SEC31B: variants seen among roughly 807,000 people sequenced by gnomAD.
SEC31B encodes SEC31 homolog B, COPII component.
Under a neutral mutation model 135.0 loss-of-function variants are expected in SEC31B, and 113 were observed. The ratio of observed to expected loss-of-function variants is 0.84; its 90% CI spans 0.72 to 0.98. The LOEUF is 0.98. Ranked by LOEUF, SEC31B falls within the 50% of genes least tolerant of loss-of-function variation. The probability of loss-of-function intolerance (pLI) is 0.00; values close to 1 mark genes in which losing one functional copy is unlikely to be tolerated. For synonymous variants in SEC31B, 508 were observed against 549.4 expected (o/e 0.92, Z 1.05); for missense variants, 1,296 against 1,421.1 (o/e 0.91, Z 1.42).
At chr10:100,491,506 A>G (rs1851299407) in intron 19 of SEC31B, among the ~76,000 whole-genome samples, 1 of 152,366 alleles carries the variant, frequency 6.6e-6, no homozygotes, top group South Asian at 2.1e-4. Flanking sequence ...ACAAAATTTT[A>G]GCAAATCAAA....
chr10:100,518,986 T>C (rs1313346166), intron 1 of SEC31B, among the ~76,000 whole-genome samples: 3 of 152,172 alleles, frequency 2.0e-5, no homozygotes, highest in African/African-American at 7.2e-5. Flanking sequence ...ACAACAAAAA[T>C]AGGAGCTGCG....
intron 8 of SEC31B, 53 bp from the exon 9 acceptor site, chr10:100,506,254 G>A: frequency 6.2e-7 from 1 of 1,614,000 alleles, no homozygotes; most frequent in Non-Finnish European, 8.5e-7. Context: ...CAAAACACAT[G>A]GCTGCAGCTG....
At chr10:100,516,023 A>G (rs3750630) in intron 3 of SEC31B, 73 bp downstream of exon 3, 342,417 of 1,557,008 alleles carry the variant, frequency 0.22, 38,554 homozygotes, top group African/African-American at 0.27. Context: ...CATGAGCCCT[A>G]AGAAACACAC....
intron 23 of SEC31B, 69 bp downstream of exon 23, chr10:100,489,183 C>A: frequency 6.6e-7 from 1 of 1,509,704 alleles, no homozygotes; most frequent in South Asian, 1.4e-5. Flanking sequence ...TGAGGCCCAT[C>A]TACCATGACC....
chr10:100,516,902 G>T lies in SEC31B; in HGVS notation c.51C>A (p.Ala17=). Residue 17 remains alanine, a synonymous_variant, in exon 2 of 26, where the codon GCC becomes GCA. Coordinates refer to ENST00000370345, the MANE Select transcript of SEC31B (RefSeq NM_015490.4). Reference sequence around the variant, plus strand: ...TGGCCAGATACAAAGGGTATTGGCTGGCTGGGCTCCATGCCTGGACAGCTG... The same window carrying T: ...TGGCCAGATACAAAGGGTATTGGCTTGCTGGGCTCCATGCCTGGACAGCTG... The part of the protein sequence containing the change: ...ERPAVQAWSP[A]SQYPLYLATG... 1.2e-6 allele frequency: 2 copies of T among 1,614,082 alleles called. No individual in the cohort carries two copies. The highest frequency in any genetic ancestry group is 1.7e-6 in the Non-Finnish European group (2 of 1,179,986).
intron 11 of SEC31B, chr10:100,501,788 C>T (rs777231853): frequency 1.8e-5 from 3 of 170,206 alleles, no homozygotes; most frequent in Non-Finnish European, 3.8e-5. Flanking sequence ...GCACCTGAAC[C>T]CTAGGACCCA....
rs1851263903 is a variant in SEC31B, at chr10:100,489,749, G to C, written c.2978C>G (p.Ser993Cys). The C allele has an allele frequency of 6.2e-7, 1 of 1,613,924 alleles. No homozygotes were observed. The highest frequency in any genetic ancestry group is 1.3e-5 in the African/African-American group (1 of 74,886). The change falls in exon 22 of 26, where the codon TCC becomes TGC. Residue 993 changes from serine (S) to cysteine (C), a missense_variant. Transcript: ENST00000370345. ...ILTPHPGPQDSWKEAPAPRGN... is the reference protein window; with the variant it reads ...ILTPHPGPQDCWKEAPAPRGN... ...CCTGGGGGCTGGGGCTTCTTTCCAG[G>C]AATCTTGAGGTCCTATAGAATAAAA...
chr10:100,495,200 G>T, intron 19 of SEC31B, 185 bp downstream of exon 19: 1 of 621,288 alleles, frequency 1.6e-6, no homozygotes, highest in African/African-American at 1.9e-5. Context: ...CACAATTTTT[G>T]CACCTTTATG....
chr10:100,493,761 T>G (rs1346870208), intron 19 of SEC31B, among the ~76,000 whole-genome samples: 12 of 152,102 alleles, frequency 7.9e-5, no homozygotes, highest in Admixed American at 7.9e-4. Flanking sequence ...GTAAAACTGG[T>G]GGAGACTGAA....
chr10:100,487,605 G>A lies in SEC31B; in HGVS notation c.*11C>T, dbSNP rs773109385. The A allele has an allele frequency of 2.5e-6, 4 of 1,608,628 alleles. No individual in the cohort carries two copies. The East Asian group carries it at 8.9e-5, about 36-fold the overall frequency. ...GCAGAAGTGGCCTCCTAGCAAGAGA[G>A]GCTGCCTGGTTTAGACCAGCAGCTT... On this transcript the variant is annotated 3_prime_UTR_variant, in exon 26 of 26. Coordinates refer to ENST00000370345, the MANE Select transcript of SEC31B (RefSeq NM_015490.4).
rs190290125 is a variant in SEC31B, at chr10:100,508,614, C to G, written c.495+393G>C. 3.4e-4 allele frequency: 145 copies of G among 424,978 alleles called. 2 individuals carry two copies. In the Admixed American group the frequency reaches 4.2e-3, roughly 12 times the overall value. 26.3% of individuals were successfully genotyped at this position (424,978 alleles called of 1,614,324 possible). A position where few individuals can be genotyped will look rare whatever the true frequency, so the allele number is the denominator to read the frequency against. On this transcript the variant is annotated intron_variant, in intron 5 of 25. Coordinates refer to ENST00000370345, the MANE Select transcript of SEC31B (RefSeq NM_015490.4). The stretch of plus-strand genomic sequence containing the variant: ...ACAGGGAGAACAAAGCTGACCCCCC[C>G]CTCCATAAAAAGGACAATGGTATGT...
chr10:100,488,382 C>A (rs1215302289), intron 24 of SEC31B, among the ~76,000 whole-genome samples: 1 of 151,258 alleles, frequency 6.6e-6, no homozygotes, highest in Non-Finnish European at 1.5e-5. Context: ...TGGCTTGAAC[C>A]CGGGAGGCAG....
chr10:100,519,309 G>A (rs543057570), intron 1 of SEC31B, among the ~76,000 whole-genome samples: 34 of 152,380 alleles, frequency 2.2e-4, no homozygotes, highest in Middle Eastern at 6.8e-3. Flanking sequence ...AGGGGGAGAT[G>A]ACCAATGAAA....
In SEC31B at chr10:100,498,345, T is replaced by A. The variant is rs142271329; in HGVS notation, c.1685-138A>T. Reference sequence around the variant, plus strand: ...TCCAAACTAAATCCTCAAGTTTCACTCCTTGGCAATAAAATGTATTTTGGT... The same window carrying A: ...TCCAAACTAAATCCTCAAGTTTCACACCTTGGCAATAAAATGTATTTTGGT... On this transcript the variant is annotated intron_variant, in intron 14 of 25. Coordinates refer to ENST00000370345, the MANE Select transcript of SEC31B (RefSeq NM_015490.4). 153 of 842,666 alleles carry A rather than the reference T, an allele frequency of 1.8e-4. No individual in the cohort carries two copies. In the African/African-American group the frequency reaches 2.3e-3, roughly 13 times the overall value. The allele number at this position is 842,666 out of a possible 1,614,324, so 52.2% of individuals were successfully genotyped here. A position where few individuals can be genotyped will look rare whatever the true frequency, so the allele number is the denominator to read the frequency against.
intron 20 of SEC31B, 81 bp downstream of exon 20, chr10:100,490,625 C>T: frequency 7.3e-7 from 1 of 1,371,424 alleles, no homozygotes; most frequent in Non-Finnish European, 9.7e-7. Flanking sequence ...CATACAGCTT[C>T]CCAAATCCAT....
At chr10:100,517,913 T>A in intron 1 of SEC31B, among the ~76,000 whole-genome samples, 1 of 152,158 alleles carries the variant, frequency 6.6e-6, no homozygotes, top group Non-Finnish European at 1.5e-5. Context: ...CTCCTTGATT[T>A]AACCTCCAAA....
rs1004527296 is a variant in SEC31B, at chr10:100,487,334, C to A, written c.*282G>T. 9.9e-5 allele frequency: 39 copies of A among 395,666 alleles called. No homozygotes were observed. In the Admixed American group the frequency reaches 9.9e-4, roughly 10 times the overall value. The allele number at this position is 395,666 out of a possible 1,614,324, so 24.5% of individuals were successfully genotyped here. ...GATCCCTGGGGGAGAAGATATCCTGCCCCAGGTCCTTACAGAGTGTAGTAT... is the reference window on the plus strand; with the variant it reads ...GATCCCTGGGGGAGAAGATATCCTGACCCAGGTCCTTACAGAGTGTAGTAT... On this transcript the variant is annotated 3_prime_UTR_variant, in exon 26 of 26. Transcript: ENST00000370345.
At chr10:100,516,461 C>T (rs762458599) in intron 2 of SEC31B, among the ~76,000 whole-genome samples, 4 of 151,938 alleles carry the variant, frequency 2.6e-5, no homozygotes, top group Non-Finnish European at 5.9e-5. Flanking sequence ...TCCTGGCTAA[C>T]ATGGTGAAAC....
At chr10:100,493,428 A>C (rs1420349826) in intron 19 of SEC31B, among the ~76,000 whole-genome samples, 2 of 152,296 alleles carry the variant, frequency 1.3e-5, no homozygotes, top group African/African-American at 4.8e-5. Flanking sequence ...ACTACTCTGC[A>C]ATAAGAATGA....
Sources: gnomAD v4.1 joint callset for allele counts (sites outside exome capture counted in the v4.1 genomes callset) on GRCh38, gnomAD v4.1.1 for gene constraint, MANE v1.5 for transcripts, NCBI Gene and HGNC (gene_info 2026-07-23, HGNC 2026-07-21) for gene names.